The following CTNNA3 variants were observed in gnomAD, a reference collection of about 807,000 sequenced individuals.
CTNNA3 encodes the protein catenin alpha-3.
In CTNNA3, 76 loss-of-function variants were observed where a neutral mutation model predicts 95.7. That is an observed-to-expected ratio of 0.79 (90% CI 0.66 to 0.96). The LOEUF is 0.96. CTNNA3 is among the 40% of genes least tolerant of loss of function. The pLI, the probability that CTNNA3 is intolerant of heterozygous loss-of-function variation, is 0.00. For synonymous variants in CTNNA3, 431 were observed against 374.4 expected (o/e 1.15, Z -1.74); for missense variants, 1,191 against 1,089.8 (o/e 1.09, Z -1.31).
At chr10:66,576,174 A>G (rs1490809222) in intron 10 of CTNNA3, among the ~76,000 whole-genome samples, 1 of 152,102 alleles carries the variant, frequency 6.6e-6, no homozygotes, top group African/African-American at 2.4e-5. Flanking sequence ...GTGAATCTCA[A>G]TCTTCAGCAT....
chr10:65,934,281 T>G (rs1255275821), intron 17 of CTNNA3, among the ~76,000 whole-genome samples: 2 of 152,204 alleles, frequency 1.3e-5, no homozygotes, highest in African/African-American at 2.4e-5. Flanking sequence ...TAGATGAGGT[T>G]CCACATTCTA....
chr10:67,713,896 T>C (rs1841127336), intron 1 of CTNNA3, among the ~76,000 whole-genome samples: 2 of 151,912 alleles, frequency 1.3e-5, no homozygotes, highest in Admixed American at 6.6e-5. Flanking sequence ...GGCACATGTA[T>C]ACCTATGTAA....
At chr10:66,563,787 T>C (rs2132141566) in intron 10 of CTNNA3, among the ~76,000 whole-genome samples, 1 of 152,218 alleles carries the variant, frequency 6.6e-6, no homozygotes, top group South Asian at 2.1e-4. Flanking sequence ...TGCCCTATTG[T>C]TTCACGAAGC....
chr10:66,534,706 C>A lies in CTNNA3; in HGVS notation c.1375-13933G>T, dbSNP rs189442814. On this transcript the variant is annotated intron_variant, in intron 10 of 17. Coordinates refer to ENST00000433211, the MANE Select transcript of CTNNA3 (RefSeq NM_013266.4). The stretch of plus-strand genomic sequence containing the variant: ...TATAAAATTATTCAGTAAATTATAT[C>A]ATTTATAATAATTTAATAAATTATA... Among the ~76,000 whole-genome samples, 1,036 of 149,796 alleles carry A rather than the reference C, an allele frequency of 6.9e-3. 15 individuals carry two copies. Among genetic ancestry groups the A allele is most frequent in the African/African-American group, 0.024 (993 of 41,142 alleles).
intron 5 of CTNNA3, among the ~76,000 whole-genome samples, chr10:67,416,070 T>C (rs896018426): frequency 6.6e-6 from 1 of 152,098 alleles, no homozygotes; most frequent in Non-Finnish European, 1.5e-5. Context: ...GAAATAGTCT[T>C]CTCAACATTG....
At chr10:67,558,879 T>A (rs944747941) in intron 3 of CTNNA3, among the ~76,000 whole-genome samples, 7 of 152,198 alleles carry the variant, frequency 4.6e-5, no homozygotes, top group Non-Finnish European at 8.8e-5. Context: ...GGAGTCTCGC[T>A]GATTGCTAGC....
intron 5 of CTNNA3, among the ~76,000 whole-genome samples, chr10:67,281,905 T>C (rs1270977127): frequency 2.0e-5 from 3 of 152,174 alleles, no homozygotes; most frequent in South Asian, 4.1e-4. Context: ...TTCCATAAGA[T>C]GCATTCATTC....
At position 66,373,772 on chromosome 10, in the gene CTNNA3, G is replaced by T. The variant is rs149605471; in HGVS notation, c.1732+5380C>A. ...TTTGCTGGAAGCATTACCAAAATTA[G>T]GTTCAGTCAGATCTTTCAACAGACG... is the stretch of plus-strand genomic sequence containing the variant. On this transcript the variant is annotated intron_variant, in intron 12 of 17. Transcript: ENST00000433211. Among the ~76,000 whole-genome samples the T allele has an allele frequency of 5.6e-3, 848 of 152,292 alleles. 9 individuals carry two copies. The highest frequency in any genetic ancestry group is 0.014 in the African/African-American group (597 of 41,568).
intron 11 of CTNNA3, among the ~76,000 whole-genome samples, chr10:66,430,206 G>A (rs1486910472): frequency 6.6e-6 from 1 of 151,064 alleles, no homozygotes; most frequent in African/African-American, 2.5e-5. Context: ...GGGATGTGAA[G>A]GACCTCTTCA....
chr10:66,950,426 CTGTT>C (rs1360383564), intron 7 of CTNNA3, among the ~76,000 whole-genome samples: 1 of 151,912 alleles, frequency 6.6e-6, no homozygotes, highest in African/African-American at 2.4e-5. Flanking sequence ...TAATAAATGT[CTGTT>C]TAAAGAATCA....
At chr10:66,515,345 C>CTCTCTATATATA (rs558913767) in intron 11 of CTNNA3, among the ~76,000 whole-genome samples, 8,659 of 148,854 alleles carry the variant, frequency 0.058, 304 homozygotes, top group Non-Finnish European at 0.082. Flanking sequence ...CTCTCTCTCT[C>CTCTCTATATATA]TATATATATA....
rs138237676 is a variant in CTNNA3 at position 65,920,468 on chromosome 10, C to T, written c.2550G>A (p.Met850Ile). Residue 850 changes from methionine to isoleucine, a missense_variant, in exon 18 of 18, where the codon ATG becomes ATA. Met to Ile is a conservative substitution (Grantham distance 10). Transcript: ENST00000433211. ...TCAAGGGTTTTTTTGCAGGAGCCTT[C>T]ATTCTCCACATCACAACTGGGTGCC... ...GPRHPVVMWR[M>I]KAPAKKPLIK... The T allele has an allele frequency of 9.3e-5, 150 of 1,614,118 alleles. No homozygotes were observed. Among genetic ancestry groups the T allele is most frequent in the Middle Eastern group, 8.2e-4 (5 of 6,062 alleles).
intron 11 of CTNNA3, among the ~76,000 whole-genome samples, chr10:66,446,936 A>T (rs528829782): frequency 6.6e-6 from 1 of 151,846 alleles, no homozygotes; most frequent in East Asian, 1.9e-4. Context: ...CCATCGTCTC[A>T]GCCCAAAATC....
At chr10:67,695,710 C>T (rs1840951122) in intron 1 of CTNNA3, among the ~76,000 whole-genome samples, 1 of 152,170 alleles carries the variant, frequency 6.6e-6, no homozygotes, top group African/African-American at 2.4e-5. Flanking sequence ...TGCACAGTAT[C>T]CAATCGGCTT....
chr10:66,594,960 A>G (rs1447416849), intron 10 of CTNNA3, among the ~76,000 whole-genome samples: 1 of 152,196 alleles, frequency 6.6e-6, no homozygotes, highest in Non-Finnish European at 1.5e-5. Flanking sequence ...TCTGGCACAT[A>G]TAAGAACTAC....
intron 9 of CTNNA3, among the ~76,000 whole-genome samples, chr10:66,684,160 A>C (rs576835989): frequency 6.6e-6 from 1 of 152,112 alleles, no homozygotes; most frequent in African/African-American, 2.4e-5. Flanking sequence ...AAGGAGGATA[A>C]ATTTTGTCAG....
chr10:67,360,365 T>A (rs1381113918), intron 5 of CTNNA3, among the ~76,000 whole-genome samples: 1 of 149,458 alleles, frequency 6.7e-6, no homozygotes, highest in Non-Finnish European at 1.5e-5. Flanking sequence ...ATATTAATCT[T>A]GAATGTAAAT....
intron 12 of CTNNA3, among the ~76,000 whole-genome samples, chr10:66,319,226 T>G (rs759409584): frequency 1.8e-4 from 27 of 152,196 alleles, no homozygotes; most frequent in Non-Finnish European, 2.8e-4. Context: ...TTATTCTCCC[T>G]TATTCATGTT....
chr10:67,347,140 C>G (rs1431780223), intron 5 of CTNNA3, among the ~76,000 whole-genome samples: 1 of 151,478 alleles, frequency 6.6e-6, no homozygotes, highest in East Asian at 1.9e-4. Flanking sequence ...ACTTCTGCTT[C>G]CCAGGCTCAA....
Sources: allele counts gnomAD v4.1 joint callset (sites outside exome capture counted in the v4.1 genomes callset), GRCh38; gene constraint gnomAD v4.1.1; transcripts MANE v1.5; gene names NCBI Gene and HGNC (gene_info 2026-07-23, HGNC 2026-07-21).